The following VKORC1L1 variants were observed in gnomAD, a reference collection of about 807,000 sequenced individuals.
The protein encoded by VKORC1L1 is vitamin K epoxide reductase complex subunit 1-like protein 1.
In VKORC1L1, 2 loss-of-function variants were observed where a neutral mutation model predicts 18.9. That is an observed-to-expected ratio of 0.11 (90% CI 0.04 to 0.33). VKORC1L1 has a LOEUF of 0.33. Among genes scored for constraint, VKORC1L1 ranks in the 10% least tolerant of loss-of-function variants. The probability of loss-of-function intolerance (pLI) is 1.00; values close to 1 mark genes in which losing one functional copy is unlikely to be tolerated. For synonymous variants in VKORC1L1, 96 were observed against 100.0 expected, an observed-to-expected ratio of 0.96 and a Z score of 0.24; for missense variants, 123 against 224.1, an observed-to-expected ratio of 0.55 and a Z score of 2.88.
intron 1 of VKORC1L1, among the ~76,000 whole-genome samples, chr7:65,931,273 C>T (rs563113401): frequency 6.6e-6 from 1 of 151,950 alleles, no homozygotes; most frequent in East Asian, 1.9e-4. Context: ...AGAAGTGTTC[C>T]CTCCTCTTCT....
chr7:65,946,475 C>T (rs548245679), intron 1 of VKORC1L1, among the ~76,000 whole-genome samples: 123 of 152,158 alleles, frequency 8.1e-4, no homozygotes, highest in East Asian at 7.5e-3. Flanking sequence ...TGTGTTTTCT[C>T]TGGAAATGCA....
chr7:65,953,063 C>G (rs1346851707), intron 2 of VKORC1L1, among the ~76,000 whole-genome samples: 2 of 151,892 alleles, frequency 1.3e-5, no homozygotes, highest in African/African-American at 4.8e-5. Context: ...TCCCAAAGTC[C>G]TAGCATTACA....
At chr7:65,930,593 T>C (rs1789841841) in intron 1 of VKORC1L1, among the ~76,000 whole-genome samples, 1 of 152,216 alleles carries the variant, frequency 6.6e-6, no homozygotes, top group Admixed American at 6.5e-5. Flanking sequence ...GAGTTCTGTA[T>C]GTATATATGG....
rs1023993412 is a variant in VKORC1L1, at chr7:65,957,831, A to G, written c.*3531A>G. ...TGGGCAATGAGTGAAACTCTGTCTC[A>G]AATAAAAAAATAAAAATAAAAACTA... is the stretch of plus-strand genomic sequence containing the variant. On this transcript the variant is annotated 3_prime_UTR_variant, in exon 3 of 3. Transcript: ENST00000360768. 1 of 151,636 alleles carries G rather than the reference A, an allele frequency of 6.6e-6. No homozygotes were observed. Among genetic ancestry groups the G allele is most frequent in the Non-Finnish European group, 1.5e-5 (1 of 67,886 alleles). 9.4% of individuals were successfully genotyped at this position (151,636 alleles called of 1,614,324 possible).
intron 1 of VKORC1L1, among the ~76,000 whole-genome samples, chr7:65,876,810 T>G (rs923251309): frequency 6.6e-6 from 1 of 152,186 alleles, no homozygotes; most frequent in African/African-American, 2.4e-5. Flanking sequence ...TTTGGGACGC[T>G]GACACCTGGC....
intron 1 of VKORC1L1, among the ~76,000 whole-genome samples, chr7:65,940,950 TA>T (rs1790022747): frequency 1.3e-5 from 2 of 151,866 alleles, no homozygotes; most frequent in Non-Finnish European, 2.9e-5. Flanking sequence ...TCAAGTAAAA[TA>T]GAATGAGAGT....
At chr7:65,941,265 C>T (rs2115703510) in intron 1 of VKORC1L1, among the ~76,000 whole-genome samples, 1 of 152,174 alleles carries the variant, frequency 6.6e-6, no homozygotes, top group African/African-American at 2.4e-5. Context: ...GCCATCACGC[C>T]CAGCAATTTT....
chr7:65,884,618 CAG>C (rs1439180655), intron 1 of VKORC1L1, among the ~76,000 whole-genome samples: 1 of 152,120 alleles, frequency 6.6e-6, no homozygotes, highest in Non-Finnish European at 1.5e-5. Flanking sequence ...GCCTGGGCGA[CAG>C]AGTGAGACTG....
intron 1 of VKORC1L1, among the ~76,000 whole-genome samples, chr7:65,915,316 C>T (rs1444214047): frequency 6.6e-6 from 1 of 151,872 alleles, no homozygotes. Context: ...TAGTCTCGAT[C>T]TCCTGACCTC....
chr7:65,916,345 T>G (rs1201493947), intron 1 of VKORC1L1, among the ~76,000 whole-genome samples: 5 of 152,114 alleles, frequency 3.3e-5, no homozygotes. Context: ...CCATTGTGGT[T>G]ATTATTCTTA....
At chr7:65,904,329 C>T (rs757803972) in intron 1 of VKORC1L1, among the ~76,000 whole-genome samples, 2 of 152,030 alleles carry the variant, frequency 1.3e-5, no homozygotes, top group Non-Finnish European at 2.9e-5. Flanking sequence ...ACAAGCCTCC[C>T]GAGTAGGTGG....
intron 1 of VKORC1L1, among the ~76,000 whole-genome samples, chr7:65,890,716 A>G (rs777010288): frequency 6.6e-6 from 1 of 152,236 alleles, no homozygotes; most frequent in African/African-American, 2.4e-5. Flanking sequence ...CCTACCAACA[A>G]TGTGTGAGAA....
intron 1 of VKORC1L1, among the ~76,000 whole-genome samples, chr7:65,929,680 G>GTACATA (rs150255530): frequency 9.6e-6 from 1 of 103,774 alleles, no homozygotes; most frequent in African/African-American, 4.1e-5. Flanking sequence ...ATGTGTGTGT[G>GTACATA]TGTATATATA....
chr7:65,905,503 G>T (rs2116403570), intron 1 of VKORC1L1, among the ~76,000 whole-genome samples: 1 of 152,050 alleles, frequency 6.6e-6, no homozygotes, highest in South Asian at 2.1e-4. Flanking sequence ...TAGAGACAGG[G>T]TTTCACCATG....
At chr7:65,912,442 T>G (rs1418180533) in intron 1 of VKORC1L1, among the ~76,000 whole-genome samples, 2 of 152,246 alleles carry the variant, frequency 1.3e-5, no homozygotes, top group Admixed American at 1.3e-4. Context: ...ATCCCGTGTT[T>G]CTCAGCTGGC....
chr7:65,937,790 C>T (rs979296310), intron 1 of VKORC1L1, among the ~76,000 whole-genome samples: 10 of 152,156 alleles, frequency 6.6e-5, no homozygotes, highest in African/African-American at 2.4e-4. Context: ...AGAAAAGTCT[C>T]TAGTATGAGA....
Position 65,959,486 on chromosome 7 carries a change from A to G in VKORC1L1, c.*5186A>G, listed in dbSNP as rs893280548. 1 of 152,274 alleles carries G rather than the reference A, an allele frequency of 6.6e-6. No homozygotes were observed. The highest frequency in any genetic ancestry group is 2.4e-5 in the African/African-American group (1 of 41,474). The allele number at this position is 152,274 out of a possible 1,614,324, so 9.4% of individuals were successfully genotyped here. A position where few individuals can be genotyped will look rare whatever the true frequency, so the allele number is the denominator to read the frequency against. On this transcript the variant is annotated 3_prime_UTR_variant, in exon 3 of 3. Coordinates refer to ENST00000360768, the MANE Select transcript of VKORC1L1 (RefSeq NM_173517.6). ...TTGATAAAAAAAATACAGAAGCTCT[A>G]GATTCCTAATTGGAACTGACTACAC... is the stretch of plus-strand genomic sequence containing the variant.
In VKORC1L1 at chr7:65,958,700, C is replaced by A. The variant is rs1790341512; in HGVS notation, c.*4400C>A. On this transcript the variant is annotated 3_prime_UTR_variant, in exon 3 of 3. Coordinates refer to ENST00000360768, the MANE Select transcript of VKORC1L1 (RefSeq NM_173517.6). Reference sequence around the variant, plus strand: ...AGGGTTGATTCTTTTTCTCTTAAATCATATGTAACTTGCAGAAGATTCAGA... The same window carrying A: ...AGGGTTGATTCTTTTTCTCTTAAATAATATGTAACTTGCAGAAGATTCAGA... 1.3e-5 allele frequency: 2 copies of A among 152,152 alleles called. No individual in the cohort carries two copies. Among genetic ancestry groups the A allele is most frequent in the South Asian group, 4.1e-4 (2 of 4,828 alleles). The allele number at this position is 152,152 out of a possible 1,614,324, so 9.4% of individuals were successfully genotyped here. A position where few individuals can be genotyped will look rare whatever the true frequency, so the allele number is the denominator to read the frequency against.
intron 1 of VKORC1L1, among the ~76,000 whole-genome samples, chr7:65,903,211 G>T (rs1181985582): frequency 2.7e-5 from 4 of 148,588 alleles, no homozygotes; most frequent in African/African-American, 1.0e-4. Flanking sequence ...CTCTTGCCCA[G>T]GCTGGAGTGC....
Sources: allele counts gnomAD v4.1 joint callset (sites outside exome capture counted in the v4.1 genomes callset), GRCh38; gene constraint gnomAD v4.1.1; transcripts MANE v1.5; gene names NCBI Gene and HGNC (gene_info 2026-07-23, HGNC 2026-07-21).